The following ROR2 variants were observed in gnomAD, a reference collection of about 807,000 sequenced individuals.
The protein encoded by ROR2 is ROR family WNT receptor 2, also known as tyrosine-protein kinase transmembrane receptor ROR2.
A neutral mutation model predicts 74.9 loss-of-function variants in ROR2; 33 were observed. The ratio of observed to expected loss-of-function variants is 0.44; its 90% confidence interval spans 0.33 to 0.59. ROR2 has a LOEUF of 0.59. Among genes scored for constraint, ROR2 ranks in the 20% least tolerant of loss-of-function variants. The probability of loss-of-function intolerance (pLI) is 0.02; values close to 1 mark genes in which losing one functional copy is unlikely to be tolerated. For missense variants in ROR2, 1,216 were observed against 1,313.8 expected (o/e 0.93, Z 1.15); for synonymous variants, 586 against 558.7 (o/e 1.05, Z -0.69).
intron 1 of ROR2, among the ~76,000 whole-genome samples, chr9:91,840,853 T>C (rs1828761212): frequency 6.6e-6 from 1 of 152,246 alleles, no homozygotes; most frequent in South Asian, 2.1e-4. Flanking sequence ...CACCCCATGC[T>C]CCAGCTCTGT....
chr9:91,889,601 C>T lies in ROR2; in HGVS notation c.97+60266G>A, dbSNP rs1427314926. Among the ~76,000 whole-genome samples, 4 of 152,250 alleles carry T rather than the reference C, an allele frequency of 2.6e-5. No homozygotes were observed. The East Asian group carries it at 7.7e-4, about 29-fold the overall frequency. ...TACAGGGCGGGCCAGAAGACCACTACGGTCCCTTCCATCTGAAGCAGTCAG... is the reference window on the plus strand; with the variant it reads ...TACAGGGCGGGCCAGAAGACCACTATGGTCCCTTCCATCTGAAGCAGTCAG... On this transcript the variant is annotated intron_variant, in intron 1 of 8. Coordinates refer to ENST00000375708, the MANE Select transcript of ROR2 (RefSeq NM_004560.4).
At chr9:91,747,372 C>T (rs1194912265) in intron 4 of ROR2, among the ~76,000 whole-genome samples, 2 of 152,232 alleles carry the variant, frequency 1.3e-5, no homozygotes, top group Non-Finnish European at 2.9e-5. Flanking sequence ...AGCGCTCACG[C>T]GTGTGGACAG....
chr9:91,741,305 T>TAATAATAAG lies in ROR2; in HGVS notation c.495-3788_495-3787insCTTATTATT, dbSNP rs1184900110. Among the ~76,000 whole-genome samples, 5 of 9,284 alleles carry TAATAATAAG rather than the reference T, an allele frequency of 5.4e-4. No homozygotes were observed. In the South Asian group the frequency reaches 7.3e-3, roughly 13 times the overall value. The allele number at this position is 9,284 out of a possible 152,430, so 6.1% of individuals were successfully genotyped here. On this transcript the variant is annotated intron_variant, in intron 4 of 8. Coordinates refer to ENST00000375708, the MANE Select transcript of ROR2 (RefSeq NM_004560.4). ...CAGAGCAAGACTCTGTCTCAAGTAG[T>TAATAATAAG]AATAATAATAATAATAATAATAATA...
At chr9:91,849,267 C>T (rs1165254584) in intron 1 of ROR2, among the ~76,000 whole-genome samples, 1 of 152,178 alleles carries the variant, frequency 6.6e-6, no homozygotes, top group Non-Finnish European at 1.5e-5. Flanking sequence ...TTCTTGATTT[C>T]AACATGGAGA....
intron 2 of ROR2, among the ~76,000 whole-genome samples, chr9:91,775,495 C>A (rs1826387967): frequency 6.6e-6 from 1 of 152,134 alleles, no homozygotes. Flanking sequence ...CCCCATCTGC[C>A]AGGCCGCCAT....
intron 1 of ROR2, among the ~76,000 whole-genome samples, chr9:91,795,611 T>G (rs1004813893): frequency 6.6e-6 from 1 of 152,202 alleles, no homozygotes; most frequent in African/African-American, 2.4e-5. Flanking sequence ...TACATTGTTT[T>G]CCCTAATTGA....
intron 1 of ROR2, among the ~76,000 whole-genome samples, chr9:91,845,942 C>T (rs1457876228): frequency 2.1e-5 from 3 of 142,632 alleles, no homozygotes; most frequent in African/African-American, 7.7e-5. Flanking sequence ...TGACAAATGT[C>T]TACACGGATG....
At position 91,748,147 on chromosome 9, in the gene ROR2, C is replaced by T. The variant is rs925192451; in HGVS notation, c.494+7924G>A. 8.5e-5 allele frequency among the ~76,000 whole-genome samples: 13 copies of T among 152,158 alleles called. No homozygotes were observed. In the East Asian group the frequency reaches 1.9e-3, roughly 23 times the overall value. ...AAAATTAGCCAGGCATGGTGGTGCA[C>T]GCCTGTAATCCCAGCTCCTCGGGAG... On this transcript the variant is annotated intron_variant, in intron 4 of 8. Coordinates refer to ENST00000375708, the MANE Select transcript of ROR2 (RefSeq NM_004560.4).
At chr9:91,812,554 C>T (rs1217879798) in intron 1 of ROR2, among the ~76,000 whole-genome samples, 1 of 146,384 alleles carries the variant, frequency 6.8e-6, no homozygotes, top group Admixed American at 6.8e-5. Context: ...GGCCTGTCCT[C>T]CCCGCCCCAC....
At chr9:91,857,352 G>A (rs1019056792) in intron 1 of ROR2, among the ~76,000 whole-genome samples, 15 of 152,160 alleles carry the variant, frequency 9.9e-5, no homozygotes, top group South Asian at 6.2e-4. Context: ...TCGCCGCCCC[G>A]CCACTCCAGG....
chr9:91,820,785 C>T (rs1422357057), intron 1 of ROR2, among the ~76,000 whole-genome samples: 1 of 152,182 alleles, frequency 6.6e-6, no homozygotes, highest in Non-Finnish European at 1.5e-5. Context: ...CCCTAATCCA[C>T]TATGACCCAT....
At chr9:91,738,045 G>A (rs1825097715) in intron 4 of ROR2, among the ~76,000 whole-genome samples, 1 of 152,180 alleles carries the variant, frequency 6.6e-6, no homozygotes, top group African/African-American at 2.4e-5. Context: ...TTTTAGGGCA[G>A]TGAAATATTC....
At chr9:91,801,900 G>A (rs1237834921) in intron 1 of ROR2, among the ~76,000 whole-genome samples, 1 of 152,182 alleles carries the variant, frequency 6.6e-6, no homozygotes, top group Non-Finnish European at 1.5e-5. Context: ...GGACTGAAAT[G>A]TTTGGGGACC....
At chr9:91,882,283 T>C (rs562799001) in intron 1 of ROR2, among the ~76,000 whole-genome samples, 1 of 151,806 alleles carries the variant, frequency 6.6e-6, no homozygotes, top group South Asian at 2.1e-4. Context: ...TGGTGGCGGG[T>C]GCCTGTAATC....
chr9:91,836,180 T>G (rs762704824), intron 1 of ROR2, among the ~76,000 whole-genome samples: 8 of 152,106 alleles, frequency 5.3e-5, no homozygotes, highest in Non-Finnish European at 8.8e-5. Context: ...CAGTGTAGCT[T>G]GTGGGTGAAG....
At chr9:91,736,320 G>C (rs1019110398) in intron 5 of ROR2, among the ~76,000 whole-genome samples, 1 of 152,202 alleles carries the variant, frequency 6.6e-6, no homozygotes, top group Non-Finnish European at 1.5e-5. Flanking sequence ...CGACTCTCTA[G>C]TCCGAGGGTG....
At chr9:91,857,678 C>T (rs985030229) in intron 1 of ROR2, among the ~76,000 whole-genome samples, 13 of 152,080 alleles carry the variant, frequency 8.5e-5, no homozygotes, top group Non-Finnish European at 5.9e-5. Flanking sequence ...TCTTCTGGGC[C>T]GGCAGGAGCA....
chr9:91,764,402 C>A (rs1278124448), intron 2 of ROR2, among the ~76,000 whole-genome samples: 1 of 151,612 alleles, frequency 6.6e-6, no homozygotes, highest in Non-Finnish European at 1.5e-5. Flanking sequence ...TTTTTTCTTT[C>A]CTATCTTCTA....
intron 2 of ROR2, among the ~76,000 whole-genome samples, chr9:91,760,986 CTA>C (rs1325616743): frequency 6.6e-6 from 1 of 152,160 alleles, no homozygotes; most frequent in African/African-American, 2.4e-5. Context: ...TATAGGGAAA[CTA>C]TTAGATAGCA....
Sources: allele counts gnomAD v4.1 joint callset (sites outside exome capture counted in the v4.1 genomes callset), GRCh38; gene constraint gnomAD v4.1.1; transcripts MANE v1.5; gene names NCBI Gene and HGNC (gene_info 2026-07-23, HGNC 2026-07-21).